FRMD5: variants seen among roughly 807,000 people sequenced by gnomAD.
The protein encoded by FRMD5 is FERM domain containing 5.
FRMD5 carries 20 observed loss-of-function variants against 69.0 expected under a neutral mutation model. The ratio of observed to expected loss-of-function variants is 0.29; its 90% CI spans 0.20 to 0.42. FRMD5 has a LOEUF of 0.42. Ranked by LOEUF, FRMD5 falls within the 10% of genes least tolerant of loss-of-function variation. FRMD5 has a pLI of 1.00. For synonymous variants in FRMD5, 271 were observed against 260.1 expected, an observed-to-expected ratio of 1.04 and a Z score of -0.40; for missense variants, 595 against 708.6, an observed-to-expected ratio of 0.84 and a Z score of 1.82.
chr15:44,141,211 T>G (rs889518141), intron 1 of FRMD5, among the ~76,000 whole-genome samples: 2 of 152,178 alleles, frequency 1.3e-5, no homozygotes, highest in Non-Finnish European at 2.9e-5. Flanking sequence ...ACATCAATTC[T>G]CTTCAAATTA....
At chr15:44,106,623 C>A (rs2076722118) in intron 1 of FRMD5, among the ~76,000 whole-genome samples, 1 of 152,190 alleles carries the variant, frequency 6.6e-6, no homozygotes, top group African/African-American at 2.4e-5. Context: ...CCTCCCCTAT[C>A]ACCAGTAACA....
At chr15:44,021,482 A>C (rs1356362398) in intron 1 of FRMD5, among the ~76,000 whole-genome samples, 2 of 152,202 alleles carry the variant, frequency 1.3e-5, no homozygotes, top group African/African-American at 4.8e-5. Context: ...TTTTATTTTA[A>C]AAATAGGCAA....
At chr15:43,989,499 T>G (rs1214692541) in intron 1 of FRMD5, 4 of 874,032 alleles carry the variant, frequency 4.6e-6, no homozygotes, top group Admixed American at 1.7e-5. Context: ...GAGGCCACCA[T>G]GGCCATCTCC....
chr15:43,974,702 T>C lies in FRMD5; in HGVS notation c.103-50393A>G, dbSNP rs147978641. Among the ~76,000 whole-genome samples, 345 of 152,356 alleles carry C rather than the reference T, an allele frequency of 2.3e-3. 2 individuals are homozygous for C. The highest frequency in any genetic ancestry group is 7.7e-3 in the African/African-American group (322 of 41,592). On this transcript the variant is annotated intron_variant, in intron 1 of 13. Coordinates refer to ENST00000417257, the MANE Select transcript of FRMD5 (RefSeq NM_032892.5). The stretch of plus-strand genomic sequence containing the variant: ...CAAAATAACTATTCACAAATTCTAA[T>C]ATGCATAAACAATATTCTGAAAGAT...
intron 1 of FRMD5, among the ~76,000 whole-genome samples, chr15:44,092,535 T>C (rs1199429379): frequency 1.3e-5 from 2 of 152,208 alleles, no homozygotes; most frequent in Non-Finnish European, 2.9e-5. Flanking sequence ...TCTAATGATA[T>C]ACTCTGTGCA....
intron 13 of FRMD5, among the ~76,000 whole-genome samples, chr15:43,879,271 C>T (rs1201698291): frequency 2.0e-5 from 3 of 152,160 alleles, no homozygotes; most frequent in East Asian, 1.9e-4. Flanking sequence ...CTGACAAATA[C>T]AGTTGCTCAG....
At chr15:44,077,800 C>T (rs1258939624) in intron 1 of FRMD5, among the ~76,000 whole-genome samples, 1 of 151,962 alleles carries the variant, frequency 6.6e-6, no homozygotes, top group Non-Finnish European at 1.5e-5. Flanking sequence ...CACTAAAAAA[C>T]AATTATCAAA....
rs1002110828 is a variant in FRMD5, at chr15:43,875,977, T to C, written c.1136-1515A>G. 10 of 1,385,620 alleles carry C rather than the reference T, an allele frequency of 7.2e-6. No individual in the cohort carries two copies. The African/African-American group carries it at 1.3e-4, about 18-fold the overall frequency. 85.8% of individuals were successfully genotyped at this position (1,385,620 alleles called of 1,614,324 possible). On this transcript the variant is annotated intron_variant, in intron 13 of 13. Coordinates refer to ENST00000417257, the MANE Select transcript of FRMD5 (RefSeq NM_032892.5). The stretch of plus-strand genomic sequence containing the variant: ...GCTGCTTCTTGAAATGGTCCCACCA[T>C]GGACCCTCTGGTCATCCAACCCAAG...
chr15:43,927,825 A>G (rs768051065), intron 1 of FRMD5, among the ~76,000 whole-genome samples: 2 of 152,160 alleles, frequency 1.3e-5, no homozygotes, highest in Non-Finnish European at 2.9e-5. Context: ...CATACATACA[A>G]CAACCAGATT....
At chr15:43,875,775 C>T (rs1046421840) in intron 13 of FRMD5, 4 of 579,060 alleles carry the variant, frequency 6.9e-6, no homozygotes, top group Non-Finnish European at 1.2e-5. Context: ...AAAGATTCTG[C>T]CTTTCTTGCC....
At chr15:44,036,561 T>C (rs1309209448) in intron 1 of FRMD5, among the ~76,000 whole-genome samples, 3 of 152,156 alleles carry the variant, frequency 2.0e-5, no homozygotes, top group Non-Finnish European at 2.9e-5. Flanking sequence ...TCCTCATCAA[T>C]AAAATGGAGC....
At chr15:43,923,126 C>T (rs963423136) in intron 2 of FRMD5, among the ~76,000 whole-genome samples, 7 of 152,328 alleles carry the variant, frequency 4.6e-5, no homozygotes, top group Non-Finnish European at 7.4e-5. Context: ...AGCTGGGAGG[C>T]TGGGCAAATG....
chr15:44,111,920 G>A (rs1305674455), intron 1 of FRMD5, among the ~76,000 whole-genome samples: 4 of 151,278 alleles, frequency 2.6e-5, no homozygotes, highest in Non-Finnish European at 5.9e-5. Context: ...GCACCACCTC[G>A]GCAACCTCCG....
chr15:44,186,342 C>T (rs753464280), intron 1 of FRMD5, among the ~76,000 whole-genome samples: 2 of 152,204 alleles, frequency 1.3e-5, no homozygotes, highest in Non-Finnish European at 1.5e-5. Context: ...CTGAAGCCAA[C>T]TTTTCCACTC....
intron 1 of FRMD5, among the ~76,000 whole-genome samples, chr15:44,105,086 CTTT>C (rs71299549): frequency 1.0e-4 from 14 of 136,904 alleles, no homozygotes; most frequent in Non-Finnish European, 6.2e-5. Flanking sequence ...AAATTCTTTT[CTTT>C]TTTTTTTTTT....
At chr15:43,883,261 C>T (rs2088580712) in intron 13 of FRMD5, among the ~76,000 whole-genome samples, 1 of 151,972 alleles carries the variant, frequency 6.6e-6, no homozygotes, top group African/African-American at 2.4e-5. Context: ...CCACGCCCAG[C>T]TAGTTTTTGT....
intron 1 of FRMD5, among the ~76,000 whole-genome samples, chr15:43,939,888 T>G (rs28438984): frequency 0.11 from 16,283 of 152,184 alleles, 1,330 homozygotes; most frequent in East Asian, 0.22. Context: ...TTGTCAGAGA[T>G]GCTTAGAAAA....
intron 1 of FRMD5, among the ~76,000 whole-genome samples, chr15:43,978,319 A>G (rs2090496209): frequency 6.6e-6 from 1 of 152,224 alleles, no homozygotes; most frequent in Admixed American, 6.5e-5. Flanking sequence ...GCTAAAGTGA[A>G]AAAGACTGAC....
intron 1 of FRMD5, among the ~76,000 whole-genome samples, chr15:44,182,340 T>C (rs1351208646): frequency 1.4e-5 from 2 of 144,222 alleles, no homozygotes; most frequent in East Asian, 2.1e-4. Flanking sequence ...TTTTTTTTTT[T>C]TTTTTCTGAG....
Sources: gnomAD v4.1 joint callset for allele counts (sites outside exome capture counted in the v4.1 genomes callset) on GRCh38, gnomAD v4.1.1 for gene constraint, MANE v1.5 for transcripts, NCBI Gene and HGNC (gene_info 2026-07-23, HGNC 2026-07-21) for gene names.